Variants in GABRG3 observed in about 807,000 individuals in gnomAD.
GABRG3 encodes gamma-aminobutyric acid receptor subunit gamma-3.
GABRG3 carries 25 observed loss-of-function variants against 48.8 expected under a neutral mutation model. That is an observed-to-expected ratio of 0.51 (90% CI 0.37 to 0.72). GABRG3 has a LOEUF of 0.72. Ranked by LOEUF, GABRG3 falls within the 30% of genes least tolerant of loss-of-function variation. GABRG3 has a pLI of 0.00. For missense variants in GABRG3, 394 were observed against 577.9 expected (o/e 0.68, Z 3.26); for synonymous variants, 227 against 217.6 (o/e 1.04, Z -0.38).
rs541498528 is a variant in GABRG3 at position 27,366,803 on chromosome 15, G to A, written c.574+37915G>A. 1.5e-4 allele frequency among the ~76,000 whole-genome samples: 23 copies of A among 152,250 alleles called. 1 individual carries two copies. The Middle Eastern group carries it at 0.017, about 113-fold the overall frequency. On this transcript the variant is annotated intron_variant, in intron 5 of 9. Coordinates refer to ENST00000615808, the MANE Select transcript of GABRG3 (RefSeq NM_033223.5). ...TTGGATTTTGCTATGGGTGATAATA[G>A]AACCTTGTGCCCATGTGCCCGTGTC...
intron 3 of GABRG3, among the ~76,000 whole-genome samples, chr15:27,282,508 A>AGT (rs1891468853): frequency 6.6e-6 from 1 of 152,154 alleles, no homozygotes; most frequent in Non-Finnish European, 1.5e-5. Context: ...CCCATTTAGT[A>AGT]AGGTTTTAAA....
intron 5 of GABRG3, among the ~76,000 whole-genome samples, chr15:27,346,262 A>G (rs1374854188): frequency 6.6e-6 from 1 of 152,074 alleles, no homozygotes; most frequent in Non-Finnish European, 1.5e-5. Context: ...CTCTTCTTGC[A>G]TAGTTTCTGA....
chr15:27,516,118 A>G (rs541830019), intron 6 of GABRG3, among the ~76,000 whole-genome samples: 29 of 151,610 alleles, frequency 1.9e-4, no homozygotes, highest in African/African-American at 6.8e-4. Flanking sequence ...CAGAAAAAAA[A>G]AAAAACACCC....
intron 5 of GABRG3, among the ~76,000 whole-genome samples, chr15:27,443,531 G>A (rs780629236): frequency 1.3e-5 from 2 of 152,118 alleles, no homozygotes; most frequent in Non-Finnish European, 2.9e-5. Flanking sequence ...CTGTGACATT[G>A]CTAAGCTGTC....
chr15:27,326,127 G>A (rs1893605057), intron 3 of GABRG3, among the ~76,000 whole-genome samples: 1 of 152,146 alleles, frequency 6.6e-6, no homozygotes, highest in Admixed American at 6.5e-5. Context: ...GTCTTACTGG[G>A]CACCGTGAAC....
At chr15:27,143,152 C>G (rs956733131) in intron 3 of GABRG3, among the ~76,000 whole-genome samples, 3 of 152,184 alleles carry the variant, frequency 2.0e-5, no homozygotes, top group African/African-American at 7.2e-5. Context: ...AATCATAGCT[C>G]ACCACAGCCT....
Position 27,319,734 on chromosome 15 carries a change from T to C in GABRG3, c.271-7075T>C, listed in dbSNP as rs1893355975. On this transcript the variant is annotated intron_variant, in intron 3 of 9. Transcript: ENST00000615808. This position sits in a 1 kb window ranked among gnomAD's most constrained non-coding sequence, Gnocchi z 4.4. ...ACCAATGCGTGCACCATGGTGGCTA[T>C]AGTAACGGGTTGGTTTGTAAGCAAG... Among the ~76,000 whole-genome samples, 2 of 152,236 alleles carry C rather than the reference T, an allele frequency of 1.3e-5. No individual in the cohort carries two copies. The highest frequency in any genetic ancestry group is 4.1e-4 in the South Asian group (2 of 4,826).
At chr15:27,289,769 T>A (rs1891737221) in intron 3 of GABRG3, among the ~76,000 whole-genome samples, 1 of 152,316 alleles carries the variant, frequency 6.6e-6, no homozygotes, top group African/African-American at 2.4e-5. Context: ...TATGTGTTAA[T>A]GATTTATAGT....
chr15:27,151,357 GTT>G (rs34016302), intron 3 of GABRG3, among the ~76,000 whole-genome samples: 4,218 of 146,120 alleles, frequency 0.029, 203 homozygotes, highest in African/African-American at 0.099. Flanking sequence ...TTTTGGGACT[GTT>G]TTTTTTTTTT....
chr15:27,521,235 T>G (rs1311600711), intron 7 of GABRG3, among the ~76,000 whole-genome samples: 1 of 152,144 alleles, frequency 6.6e-6, no homozygotes, highest in Non-Finnish European at 1.5e-5. Flanking sequence ...AGTCAGATAA[T>G]AAATTTATAG....
At chr15:26,997,479 A>G (rs1467189269) in intron 2 of GABRG3, among the ~76,000 whole-genome samples, 1 of 152,196 alleles carries the variant, frequency 6.6e-6, no homozygotes, top group African/African-American at 2.4e-5. Flanking sequence ...CACCCTTCCA[A>G]CATTTACATT....
intron 3 of GABRG3, among the ~76,000 whole-genome samples, chr15:27,217,047 G>A (rs1012815418): frequency 6.8e-6 from 1 of 146,524 alleles, no homozygotes; most frequent in Non-Finnish European, 1.5e-5. Context: ...TTGTTATTGC[G>A]ATAGTTTACT....
intron 3 of GABRG3, among the ~76,000 whole-genome samples, chr15:27,306,232 T>C (rs1029787335): frequency 4.8e-5 from 4 of 83,664 alleles, no homozygotes; most frequent in Non-Finnish European, 1.0e-4. Context: ...ACATATGTTC[T>C]ATATATAAAC....
chr15:27,456,738 G>A (rs1265101817), intron 5 of GABRG3, among the ~76,000 whole-genome samples: 1 of 152,124 alleles, frequency 6.6e-6, no homozygotes, highest in Non-Finnish European at 1.5e-5. Context: ...GGGACCCACC[G>A]TCTCCTGGGT....
At chr15:27,104,552 A>G (rs1897418063) in intron 3 of GABRG3, among the ~76,000 whole-genome samples, 1 of 152,206 alleles carries the variant, frequency 6.6e-6, no homozygotes, top group Non-Finnish European at 1.5e-5. Context: ...ATGTCTAGTG[A>G]CGTGCTGTGC....
intron 5 of GABRG3, among the ~76,000 whole-genome samples, chr15:27,424,338 G>A (rs1475511375): frequency 2.0e-5 from 3 of 152,134 alleles, no homozygotes; most frequent in Non-Finnish European, 4.4e-5. Context: ...AGTTAAGGAG[G>A]CTAGGAAGTC....
At chr15:27,367,041 A>T (rs566842779) in intron 5 of GABRG3, among the ~76,000 whole-genome samples, 1 of 152,146 alleles carries the variant, frequency 6.6e-6, no homozygotes, top group African/African-American at 2.4e-5. Flanking sequence ...AGGAGGCCCC[A>T]GTGTGTCCCT....
At chr15:27,186,563 T>C (rs1888104985) in intron 3 of GABRG3, among the ~76,000 whole-genome samples, 15 of 152,330 alleles carry the variant, frequency 9.8e-5, no homozygotes, top group Admixed American at 8.5e-4. Flanking sequence ...ATGGTAGTTC[T>C]GCTGTTTTTA....
Position 27,387,708 on chromosome 15 carries a change from C to T in GABRG3, c.574+58820C>T, listed in dbSNP as rs1181812855. ...GTGGGGATCACAGGCAGGCCTCTGTCCCCCAGTCTCCACAGACCCCAGCAG... is the reference window on the plus strand; with the variant it reads ...GTGGGGATCACAGGCAGGCCTCTGTTCCCCAGTCTCCACAGACCCCAGCAG... On this transcript the variant is annotated intron_variant, in intron 5 of 9. Transcript: ENST00000615808. Among the ~76,000 whole-genome samples the T allele has an allele frequency of 4.0e-5, 6 of 150,844 alleles. No individual in the cohort carries two copies. The South Asian group carries it at 6.4e-4, about 16-fold the overall frequency.
Sources: allele counts gnomAD v4.1 joint callset (sites outside exome capture counted in the v4.1 genomes callset), GRCh38; gene constraint gnomAD v4.1.1; non-coding constraint Gnocchi (gnomAD v3.1); transcripts MANE v1.5; gene names NCBI Gene and HGNC (gene_info 2026-07-23, HGNC 2026-07-21).